The following GRB14 variants were observed in gnomAD, a reference collection of about 807,000 sequenced individuals.
GRB14 encodes the protein growth factor receptor-bound protein 14.
In GRB14, 38 loss-of-function variants were observed where a neutral mutation model predicts 69.1. The ratio of observed to expected loss-of-function variants is 0.55; its 90% CI spans 0.42 to 0.72. The LOEUF (loss-of-function observed/expected upper bound fraction) is 0.72. GRB14 is among the 30% of genes least tolerant of loss of function. The pLI, the probability that GRB14 is intolerant of heterozygous loss-of-function variation, is 0.00. For synonymous variants in GRB14, 247 were observed against 241.3 expected (o/e 1.02, Z -0.22); for missense variants, 666 against 666.1 (o/e 1.00, Z 0.00).
chr2:164,494,764 T>C (rs548220714), intron 12 of GRB14, among the ~76,000 whole-genome samples: 1 of 151,354 alleles, frequency 6.6e-6, no homozygotes, highest in South Asian at 2.1e-4. Context: ...ATTAGTCAGA[T>C]TGTTTGTTTG....
intron 6 of GRB14, among the ~76,000 whole-genome samples, chr2:164,520,337 C>T (rs1687606793): frequency 6.6e-6 from 1 of 152,028 alleles, no homozygotes; most frequent in South Asian, 2.1e-4. Context: ...TTATCTCTGA[C>T]CTTATACAAA....
intron 2 of GRB14, among the ~76,000 whole-genome samples, chr2:164,617,421 A>ATT (rs199696747): frequency 3.4e-5 from 5 of 148,526 alleles, no homozygotes; most frequent in African/African-American, 1.2e-4. Context: ...CCAGTTTGCT[A>ATT]TTTTTTTTTT....
At chr2:164,519,555 G>C (rs1374253822) in intron 6 of GRB14, among the ~76,000 whole-genome samples, 1 of 152,112 alleles carries the variant, frequency 6.6e-6, no homozygotes, top group Non-Finnish European at 1.5e-5. Flanking sequence ...AACTGGTAAA[G>C]AGGAAGTCAA....
At chr2:164,512,379 C>T (rs991276002) in intron 6 of GRB14, among the ~76,000 whole-genome samples, 3 of 152,132 alleles carry the variant, frequency 2.0e-5, no homozygotes, top group Non-Finnish European at 4.4e-5. Context: ...GTTGGCCAGG[C>T]TGGTCTCTAA....
intron 2 of GRB14, among the ~76,000 whole-genome samples, chr2:164,582,437 TTTG>T (rs1186944682): frequency 2.7e-5 from 4 of 150,884 alleles, no homozygotes; most frequent in African/African-American, 9.8e-5. Context: ...TTTTTTTTTT[TTTG>T]AGAAGGAGTC....
chr2:164,610,699 A>AT (rs1385826698), intron 2 of GRB14, among the ~76,000 whole-genome samples: 3 of 151,968 alleles, frequency 2.0e-5, no homozygotes, highest in Non-Finnish European at 4.4e-5. Context: ...ATCTTCAATA[A>AT]TCCATTTACT....
chr2:164,518,260 T>A (rs777221599), intron 6 of GRB14, among the ~76,000 whole-genome samples: 1 of 152,168 alleles, frequency 6.6e-6, no homozygotes, highest in Non-Finnish European at 1.5e-5. Flanking sequence ...AACCTGCTCC[T>A]GAATGATTGT....
At chr2:164,508,392 T>A in intron 8 of GRB14, 63 bp downstream of exon 8, 1 of 1,306,872 alleles carries the variant, frequency 7.7e-7, no homozygotes, top group Non-Finnish European at 1.1e-6. Flanking sequence ...GAAATACAGA[T>A]ATTTTCTAAC....
intron 3 of GRB14, 123 bp from the exon 4 acceptor site, chr2:164,527,258 C>T (rs933897739): frequency 4.2e-5 from 10 of 236,558 alleles, no homozygotes; most frequent in East Asian, 2.6e-4. Flanking sequence ...AAATGTATTA[C>T]GCATCTTTGT....
At chr2:164,576,370 T>G (rs1350808970) in intron 2 of GRB14, among the ~76,000 whole-genome samples, 7 of 151,688 alleles carry the variant, frequency 4.6e-5, no homozygotes, top group African/African-American at 1.7e-4. Flanking sequence ...AACTTTAAGG[T>G]GAAATCAGAG....
intron 2 of GRB14, among the ~76,000 whole-genome samples, chr2:164,571,880 C>T (rs79618018): frequency 9.5e-4 from 145 of 152,358 alleles, no homozygotes; most frequent in African/African-American, 3.4e-3. Context: ...TGTGTTTCCA[C>T]ATTTTATTAT....
chr2:164,546,582 G>A (rs1231026586), intron 3 of GRB14, among the ~76,000 whole-genome samples: 4 of 152,108 alleles, frequency 2.6e-5, no homozygotes, highest in Non-Finnish European at 5.9e-5. Flanking sequence ...TATCCACCAC[G>A]ATGCCCCTCC....
intron 5 of GRB14, among the ~76,000 whole-genome samples, chr2:164,524,411 G>A (rs1687716508): frequency 6.6e-6 from 1 of 152,040 alleles, no homozygotes; most frequent in African/African-American, 2.4e-5. Context: ...GCCACTGCCA[G>A]TTTGGAAGAA....
intron 12 of GRB14, among the ~76,000 whole-genome samples, 168 bp downstream of exon 12, chr2:164,496,840 A>AAT (rs1686912611): frequency 6.6e-6 from 1 of 152,188 alleles, no homozygotes; most frequent in Non-Finnish European, 1.5e-5. Context: ...TACCAGGTAT[A>AAT]ATATAGATAC....
At chr2:164,608,063 C>CA (rs1690081622) in intron 2 of GRB14, among the ~76,000 whole-genome samples, 1 of 152,136 alleles carries the variant, frequency 6.6e-6, no homozygotes, top group East Asian at 1.9e-4. Flanking sequence ...CCCAACTTTA[C>CA]TTTTCAATTC....
intron 3 of GRB14, among the ~76,000 whole-genome samples, chr2:164,532,447 A>T (rs1452511532): frequency 6.6e-6 from 1 of 152,166 alleles, no homozygotes; most frequent in East Asian, 1.9e-4. Flanking sequence ...GAACCTGTAA[A>T]TGTTGCCTTA....
At chr2:164,571,987 A>G (rs966369290) in intron 2 of GRB14, among the ~76,000 whole-genome samples, 14 of 152,210 alleles carry the variant, frequency 9.2e-5, no homozygotes, top group Non-Finnish European at 1.9e-4. Flanking sequence ...CTGCTTTATA[A>G]ATATGTATTG....
intron 1 of GRB14, among the ~76,000 whole-genome samples, chr2:164,620,305 A>T (rs1558888668): frequency 6.6e-6 from 1 of 152,156 alleles, no homozygotes. Context: ...GGAAGTTATG[A>T]TTTATTAATT....
chr2:164,518,389 T>C (rs548504247), intron 6 of GRB14, among the ~76,000 whole-genome samples: 69 of 152,262 alleles, frequency 4.5e-4, no homozygotes, highest in African/African-American at 1.6e-3. Flanking sequence ...GGAAAGTTCA[T>C]AGCCTTAAAT....
Sources: allele counts gnomAD v4.1 joint callset (sites outside exome capture counted in the v4.1 genomes callset), GRCh38; gene constraint gnomAD v4.1.1; transcripts MANE v1.5; gene names NCBI Gene and HGNC (gene_info 2026-07-23, HGNC 2026-07-21).